Variants in DLGAP4 observed in about 807,000 individuals in gnomAD.
DLGAP4 encodes the protein DLG associated protein 4.
A neutral mutation model predicts 86.9 loss-of-function variants in DLGAP4; 18 were observed. The observed-to-expected ratio is 0.21, with a 90% CI of 0.14 to 0.31. The LOEUF (loss-of-function observed/expected upper bound fraction) is 0.31, where lower values mean the gene tolerates loss of function less well. Ranked by LOEUF, DLGAP4 falls within the 10% of genes least tolerant of loss-of-function variation. DLGAP4 has a pLI of 1.00. For missense variants in DLGAP4, 1,085 were observed against 1,362.6 expected (o/e 0.80, Z 3.21); for synonymous variants, 548 against 574.3 (o/e 0.95, Z 0.65).
rs571297339 is a variant in DLGAP4, at chr20:36,320,402, A to C, written c.-304+13890A>C. ...GGTGGGAGCTCAGGCAATGGGAACC[A>C]TGCTTGGAGGGGCCCAGCCAGGCCC... is the stretch of plus-strand genomic sequence containing the variant. On this transcript the variant is annotated intron_variant, in intron 1 of 12. Coordinates refer to ENST00000339266, the MANE Select transcript of DLGAP4 (RefSeq NM_001365621.2). Among the ~76,000 whole-genome samples the C allele has an allele frequency of 3.3e-5, 5 of 151,388 alleles. No homozygotes were observed. In the East Asian group the frequency reaches 9.8e-4, roughly 30 times the overall value.
intron 1 of DLGAP4, among the ~76,000 whole-genome samples, chr20:36,363,599 A>C (rs868914956): frequency 1.3e-5 from 2 of 152,082 alleles, no homozygotes; most frequent in African/African-American, 4.8e-5. Flanking sequence ...GCAGGATTCC[A>C]TTGACTGAGA....
At chr20:36,307,330 A>T (rs963756215) in intron 1 of DLGAP4, among the ~76,000 whole-genome samples, 1 of 152,182 alleles carries the variant, frequency 6.6e-6, no homozygotes, top group Non-Finnish European at 1.5e-5. Flanking sequence ...GCCTGCTGGA[A>T]GGGGACAGGT....
chr20:36,428,653 G>A (rs926262655), intron 2 of DLGAP4, among the ~76,000 whole-genome samples: 4 of 152,204 alleles, frequency 2.6e-5, no homozygotes, highest in Non-Finnish European at 5.9e-5. Flanking sequence ...CAGGGCCAGT[G>A]GGCTGGGTGG....
chr20:36,321,196 T>C (rs1011187599), intron 1 of DLGAP4, among the ~76,000 whole-genome samples: 9 of 152,012 alleles, frequency 5.9e-5, no homozygotes, highest in Admixed American at 3.9e-4. Flanking sequence ...TGACACCCGT[T>C]GGTTAAGTGA....
At chr20:36,349,045 G>T (rs1263709967) in intron 1 of DLGAP4, among the ~76,000 whole-genome samples, 1 of 132,634 alleles carries the variant, frequency 7.5e-6, no homozygotes, top group Non-Finnish European at 1.5e-5. Context: ...GGAGGTTGTA[G>T]TGAGCCAAGA....
intron 8 of DLGAP4, chr20:36,497,764 G>C: frequency 2.8e-6 from 1 of 359,938 alleles, no homozygotes; most frequent in Non-Finnish European, 3.9e-6. Flanking sequence ...AGGTGTGCCA[G>C]CTTCCCCTCC....
At chr20:36,358,915 A>C (rs1331779922) in intron 1 of DLGAP4, among the ~76,000 whole-genome samples, 1 of 152,220 alleles carries the variant, frequency 6.6e-6, no homozygotes, top group African/African-American at 2.4e-5. Flanking sequence ...ACAAATTGAC[A>C]AAATGTTTTG....
chr20:36,524,216 C>G (rs1443687665), intron 10 of DLGAP4, 34 bp from the exon 11 acceptor site: 1 of 1,575,112 alleles, frequency 6.3e-7, no homozygotes, highest in Non-Finnish European at 8.7e-7. Flanking sequence ...CTGTGCTGTG[C>G]TAAATCAGTC....
Position 36,524,930 on chromosome 20 carries a change from A to G in DLGAP4, c.2604+589A>G, listed in dbSNP as rs571363113. On this transcript the variant is annotated intron_variant, in intron 11 of 12. Coordinates refer to ENST00000339266, the MANE Select transcript of DLGAP4 (RefSeq NM_001365621.2). ...TGTCTCAAAAATTATATACATATAT[A>G]TTTTTTGGCCAGGCGCAGTGGCTCA... Among the ~76,000 whole-genome samples the G allele has an allele frequency of 3.4e-4, 51 of 150,888 alleles. 2 individuals carry two copies. In the South Asian group the frequency reaches 0.01, roughly 30 times the overall value.
At chr20:36,417,774 T>G (rs545506909) in intron 2 of DLGAP4, among the ~76,000 whole-genome samples, 1,286 of 80,268 alleles carry the variant, frequency 0.016, 15 homozygotes, top group African/African-American at 0.049. Flanking sequence ...GTTTTTTTGG[T>G]TTTTTTTTTT....
chr20:36,352,769 G>C (rs1339479238), intron 1 of DLGAP4, among the ~76,000 whole-genome samples: 1 of 152,002 alleles, frequency 6.6e-6, no homozygotes, highest in Non-Finnish European at 1.5e-5. Context: ...GTGCCAGTGA[G>C]CAGGATAGGA....
chr20:36,418,376 G>A (rs4321430), intron 2 of DLGAP4, among the ~76,000 whole-genome samples: 17,067 of 152,154 alleles, frequency 0.11, 1,048 homozygotes, highest in East Asian at 0.18. Context: ...GCCTCCCAAA[G>A]TGCTGGGATT....
chr20:36,478,525 T>G (rs2035044698), intron 7 of DLGAP4, among the ~76,000 whole-genome samples: 1 of 152,202 alleles, frequency 6.6e-6, no homozygotes, highest in Non-Finnish European at 1.5e-5. Context: ...CAAGGTAAAG[T>G]CTGTTTTCTC....
At chr20:36,513,554 CAAA>C (rs562398294) in intron 10 of DLGAP4, among the ~76,000 whole-genome samples, 8 of 40,556 alleles carry the variant, frequency 2.0e-4, no homozygotes, top group East Asian at 2.2e-3. Context: ...GACTCCGTCT[CAAA>C]AAAAAAAAAA....
intron 1 of DLGAP4, among the ~76,000 whole-genome samples, chr20:36,332,264 A>C (rs1216191193): frequency 1.3e-5 from 2 of 151,988 alleles, no homozygotes; most frequent in African/African-American, 4.8e-5. Flanking sequence ...CCAGCCTTTG[A>C]GCCTCATCCT....
chr20:36,307,770 G>A (rs1240773828), intron 1 of DLGAP4, among the ~76,000 whole-genome samples: 1 of 152,202 alleles, frequency 6.6e-6, no homozygotes, highest in Non-Finnish European at 1.5e-5. Context: ...TCCCCAGTAG[G>A]GAGGGGGGAG....
intron 2 of DLGAP4, among the ~76,000 whole-genome samples, chr20:36,389,388 TC>T (rs35680980): frequency 6.6e-6 from 1 of 152,198 alleles, no homozygotes; most frequent in Non-Finnish European, 1.5e-5. Context: ...TTACTTACTT[TC>T]CCTGTGCCTC....
chr20:36,326,911 T>C (rs1555891030), intron 1 of DLGAP4, among the ~76,000 whole-genome samples: 1 of 152,156 alleles, frequency 6.6e-6, no homozygotes, highest in Non-Finnish European at 1.5e-5. Flanking sequence ...TGCATTGTTT[T>C]TGACAAGAAA....
At chr20:36,464,060 G>A (rs185035140) in intron 7 of DLGAP4, among the ~76,000 whole-genome samples, 161 of 152,296 alleles carry the variant, frequency 1.1e-3, no homozygotes, top group African/African-American at 3.7e-3. Context: ...TTTTTACTGT[G>A]TACGCTGTGC....
Sources: gnomAD v4.1 joint callset for allele counts (sites outside exome capture counted in the v4.1 genomes callset) on GRCh38, gnomAD v4.1.1 for gene constraint, MANE v1.5 for transcripts, NCBI Gene and HGNC (gene_info 2026-07-23, HGNC 2026-07-21) for gene names.